The following STAP1 variants were observed in gnomAD, a reference collection of about 807,000 sequenced individuals.
STAP1 encodes the protein signal-transducing adaptor protein 1.
Under a neutral mutation model 37.8 loss-of-function variants are expected in STAP1, and 30 were observed. That is an observed-to-expected ratio of 0.79 (90% CI 0.59 to 1.08). The LOEUF (loss-of-function observed/expected upper bound fraction) is 1.08, where lower values mean the gene tolerates loss of function less well. Among genes scored for constraint, STAP1 ranks in the 50% least tolerant of loss-of-function variants. The pLI, the probability that STAP1 is intolerant of heterozygous loss-of-function variation, is 0.00. For missense variants in STAP1, 357 were observed against 349.4 expected (o/e 1.02, Z -0.17); for synonymous variants, 130 against 116.0 (o/e 1.12, Z -0.78).
In STAP1 at chr4:67,606,432, A is replaced by G; in HGVS notation, c.*75A>G. On this transcript the variant is annotated 3_prime_UTR_variant, in exon 9 of 9. Transcript: ENST00000265404. ...AACGAAGTTCTTACTTTTAAAGAGA[A>G]TTACCTATATTCTCCTGATACTGAT... The G allele has an allele frequency of 7.8e-7, 1 of 1,284,838 alleles. No individual in the cohort carries two copies. The highest frequency in any genetic ancestry group is 1.1e-6 in the Non-Finnish European group (1 of 920,646). 79.6% of individuals were successfully genotyped at this position (1,284,838 alleles called of 1,614,324 possible). A position where few individuals can be genotyped will look rare whatever the true frequency, so the allele number is the denominator to read the frequency against.
At chr4:67,588,327 C>T (rs898127993) in intron 6 of STAP1, among the ~76,000 whole-genome samples, 3 of 151,886 alleles carry the variant, frequency 2.0e-5, no homozygotes, top group African/African-American at 7.3e-5. Flanking sequence ...CTTTTCCTCC[C>T]ACAGCTTTGC....
At position 67,599,736 on chromosome 4, in the gene STAP1, G is replaced by A. The variant is rs149429305; in HGVS notation, c.826+6380G>A. On this transcript the variant is annotated intron_variant, in intron 8 of 8. Coordinates refer to ENST00000265404, the MANE Select transcript of STAP1 (RefSeq NM_012108.4). ...AGCTCACTGCAACCTCCACCTCCCG[G>A]GTTCAAGCGATTCTCCTGCCTCAGC... Among the ~76,000 whole-genome samples the A allele has an allele frequency of 6.1e-3, 934 of 151,900 alleles. 64 individuals carry two copies. In the East Asian group the frequency reaches 0.15, roughly 25 times the overall value.
chr4:67,596,307 C>A (rs1434953024), intron 8 of STAP1, among the ~76,000 whole-genome samples: 1 of 152,134 alleles, frequency 6.6e-6, no homozygotes, highest in African/African-American at 2.4e-5. Context: ...TGTAAGTTTC[C>A]TGAGGCTTCT....
intron 8 of STAP1, among the ~76,000 whole-genome samples, chr4:67,598,389 T>G (rs879843846): frequency 6.6e-6 from 1 of 152,204 alleles, no homozygotes; most frequent in Non-Finnish European, 1.5e-5. Context: ...TAATTTACAT[T>G]CCCACTAACA....
intron 2 of STAP1, 108 bp from the exon 3 acceptor site, chr4:67,575,277 C>A: frequency 3.1e-6 from 2 of 650,006 alleles, no homozygotes; most frequent in South Asian, 2.5e-5. Context: ...GGATATCATA[C>A]AAAGTACTAA....
At chr4:67,579,290 G>C (rs1400031993) in intron 4 of STAP1, among the ~76,000 whole-genome samples, 1 of 152,208 alleles carries the variant, frequency 6.6e-6, no homozygotes, top group Non-Finnish European at 1.5e-5. Flanking sequence ...AGAGAAGTGA[G>C]AGAAGCTCAG....
intron 8 of STAP1, among the ~76,000 whole-genome samples, chr4:67,602,423 T>C (rs1728363548): frequency 6.6e-6 from 1 of 152,216 alleles, no homozygotes. Flanking sequence ...GTCTGGGCAT[T>C]AAAGAGTTAG....
intron 8 of STAP1, among the ~76,000 whole-genome samples, chr4:67,594,620 T>C (rs1728185194): frequency 6.6e-6 from 1 of 152,204 alleles, no homozygotes; most frequent in South Asian, 2.1e-4. Flanking sequence ...TTTGAAACAA[T>C]ACGACTTAAA....
intron 8 of STAP1, among the ~76,000 whole-genome samples, chr4:67,599,664 T>TG (rs1414277747): frequency 2.0e-5 from 3 of 151,860 alleles, no homozygotes; most frequent in South Asian, 4.1e-4. Context: ...ATTTTTGAGA[T>TG]GGAGTCTCAG....
chr4:67,581,794 C>T (rs1727867461), intron 5 of STAP1, among the ~76,000 whole-genome samples: 1 of 152,290 alleles, frequency 6.6e-6, no homozygotes, highest in East Asian at 1.9e-4. Flanking sequence ...TATGCAAACT[C>T]TATGATTGAC....
chr4:67,560,804 A>G (rs1727319753), intron 1 of STAP1, among the ~76,000 whole-genome samples: 1 of 152,044 alleles, frequency 6.6e-6, no homozygotes, highest in Non-Finnish European at 1.5e-5. Flanking sequence ...AGCGCATACC[A>G]CACCCGGCTA....
intron 6 of STAP1, among the ~76,000 whole-genome samples, chr4:67,588,237 A>AT (rs924148986): frequency 2.6e-5 from 4 of 151,622 alleles, no homozygotes; most frequent in African/African-American, 4.8e-5. Context: ...ACTTCAATGG[A>AT]TTTTTTTTCC....
Position 67,606,498 on chromosome 4 carries a change from A to G in STAP1, c.*141A>G, listed in dbSNP as rs1728452271. 5 of 691,560 alleles carry G rather than the reference A, an allele frequency of 7.2e-6. No individual in the cohort carries two copies. The highest frequency in any genetic ancestry group is 2.9e-5 in the East Asian group (1 of 34,302). The allele number at this position is 691,560 out of a possible 1,614,324, so 42.8% of individuals were successfully genotyped here. Reference sequence around the variant, plus strand: ...CTGAACACCAGAATTAGAATTAAACATTGTACCATACAATTTCATTATCTT... The same window carrying G: ...CTGAACACCAGAATTAGAATTAAACGTTGTACCATACAATTTCATTATCTT... On this transcript the variant is annotated 3_prime_UTR_variant, in exon 9 of 9. Transcript: ENST00000265404.
At chr4:67,573,742 A>C (rs1180814445) in intron 2 of STAP1, among the ~76,000 whole-genome samples, 1 of 152,162 alleles carries the variant, frequency 6.6e-6, no homozygotes, top group African/African-American at 2.4e-5. Flanking sequence ...CAATATAGAA[A>C]TAGCTTTGGA....
chr4:67,606,349 A>G lies in STAP1; in HGVS notation c.880A>G (p.Ile294Val). The change falls in exon 9 of 9, where the codon ATT (isoleucine) becomes GTT (valine). Residue 294 changes from isoleucine (I) to valine (V), a missense_variant. By Grantham distance (29) the Ile-to-Val change is conservative. Transcript: ENST00000265404. ...RSEKLKKNPH[I>V]A ...TGAAAAGTTGAAGAAAAATCCACAC[A>G]TTGCATGAAATACAATGTGAAAGCT... 6.2e-7 allele frequency: 1 copy of G among 1,610,552 alleles called. No individual in the cohort carries two copies. Among genetic ancestry groups the G allele is most frequent in the Non-Finnish European group, 8.5e-7 (1 of 1,178,632 alleles).
chr4:67,563,995 A>T (rs1727409751), intron 1 of STAP1, among the ~76,000 whole-genome samples: 1 of 152,016 alleles, frequency 6.6e-6, no homozygotes, highest in African/African-American at 2.4e-5. Context: ...CTTCCAAATT[A>T]ATTTTTTTAA....
chr4:67,593,343 T>G lies in STAP1; in HGVS notation c.813T>G (p.Thr271=). 6.2e-7 allele frequency: 1 copy of G among 1,608,448 alleles called. No homozygotes were observed. Among genetic ancestry groups the G allele is most frequent in the Non-Finnish European group, 8.5e-7 (1 of 1,176,240 alleles). Residue 271 remains threonine (T), a synonymous_variant, in exon 8 of 9, where the codon ACT becomes ACG. Transcript: ENST00000265404. ...RGNLRPFICS[T]DENTGQEPSM... Reference sequence around the variant, plus strand: ...ATTTAAGACCATTTATATGTTCAACTGATGAAAACACTGGTATGTTTTTCA... The same window carrying G: ...ATTTAAGACCATTTATATGTTCAACGGATGAAAACACTGGTATGTTTTTCA...
chr4:67,573,793 A>G (rs1174188556), intron 2 of STAP1, among the ~76,000 whole-genome samples: 2 of 152,158 alleles, frequency 1.3e-5, no homozygotes, highest in Non-Finnish European at 2.9e-5. Context: ...CTTTACTCAG[A>G]AAAATAAGAC....
intron 7 of STAP1, among the ~76,000 whole-genome samples, chr4:67,591,392 T>G (rs1344388104): frequency 6.6e-6 from 1 of 152,198 alleles, no homozygotes; most frequent in Non-Finnish European, 1.5e-5. Flanking sequence ...CCACCCAAGC[T>G]GACTTACCAT....
Sources: allele counts gnomAD v4.1 joint callset (sites outside exome capture counted in the v4.1 genomes callset), GRCh38; gene constraint gnomAD v4.1.1; transcripts MANE v1.5; gene names NCBI Gene and HGNC (gene_info 2026-07-23, HGNC 2026-07-21).